The following DYNC2H1 variants were observed in gnomAD, a reference collection of about 807,000 sequenced individuals.
The protein encoded by DYNC2H1 is dynein cytoplasmic 2 heavy chain 1, also known as cytoplasmic dynein 2 heavy chain 1.
A neutral mutation model predicts 570.0 loss-of-function variants in DYNC2H1; 410 were observed. The observed-to-expected ratio is 0.72, with a 90% CI of 0.66 to 0.78. The LOEUF (loss-of-function observed/expected upper bound fraction) is 0.78, where lower values mean the gene tolerates loss of function less well. DYNC2H1 is among the 30% of genes least tolerant of loss of function. DYNC2H1 has a pLI of 0.00. For synonymous variants in DYNC2H1, 1,688 were observed against 1,677.6 expected, an observed-to-expected ratio of 1.01 and a Z score of -0.15; for missense variants, 4,865 against 5,046.4, an observed-to-expected ratio of 0.96 and a Z score of 1.09.
intron 88 of DYNC2H1, among the ~76,000 whole-genome samples, chr11:103,477,144 A>G (rs919305268): frequency 6.6e-6 from 1 of 152,230 alleles, no homozygotes; most frequent in African/African-American, 2.4e-5. Flanking sequence ...CAAGTACTCC[A>G]GAGCCTGAAA....
intron 78 of DYNC2H1, among the ~76,000 whole-genome samples, chr11:103,309,166 C>CTTTTTTTTTTTTTT (rs1274431520): frequency 1.8e-5 from 1 of 56,538 alleles, no homozygotes; most frequent in Non-Finnish European, 4.0e-5. Context: ...TAACTGCATG[C>CTTTTTTTTTTTTTT]TATTTTTTTT....
intron 82 of DYNC2H1, among the ~76,000 whole-genome samples, chr11:103,341,327 T>TC (rs1292670574): frequency 2.6e-5 from 4 of 152,114 alleles, no homozygotes; most frequent in Non-Finnish European, 4.4e-5. Context: ...TTTCTTTTCT[T>TC]CCCCCCCTTT....
intron 87 of DYNC2H1, 146 bp from the exon 88 acceptor site, chr11:103,468,443 T>C (rs944703258): frequency 2.1e-5 from 12 of 574,460 alleles, no homozygotes; most frequent in Middle Eastern, 3.3e-4. Context: ...TTACTGACTT[T>C]ATTCTCAAAG....
At chr11:103,390,446 T>C (rs551411505) in intron 83 of DYNC2H1, among the ~76,000 whole-genome samples, 27 of 152,190 alleles carry the variant, frequency 1.8e-4, no homozygotes, top group Middle Eastern at 3.4e-3. Flanking sequence ...CTTGACTCTT[T>C]ATCCAATTTA....
chr11:103,207,625 G>C (rs956446489), intron 52 of DYNC2H1, among the ~76,000 whole-genome samples: 16 of 152,130 alleles, frequency 1.1e-4, no homozygotes, highest in African/African-American at 2.9e-4. Context: ...AGAAGACATG[G>C]AAAACAGTAG....
At position 103,254,034 on chromosome 11, in the gene DYNC2H1, T is replaced by C. The variant is rs1019895888; in HGVS notation, c.10206+586T>C. ...ACTTTTGGAGTATCATCCTATTTTT[T>C]ACTCATCTAACAATAGTAGATTTTT... On this transcript the variant is annotated intron_variant, in intron 66 of 88. Coordinates refer to ENST00000375735, the MANE Select transcript of DYNC2H1 (RefSeq NM_001377.3). This position sits in a 1 kb window ranked among gnomAD's most constrained non-coding sequence, Gnocchi z 4.9. 6.6e-6 allele frequency among the ~76,000 whole-genome samples: 1 copy of C among 152,210 alleles called. No homozygotes were observed. The highest frequency in any genetic ancestry group is 1.5e-5 in the Non-Finnish European group (1 of 68,010).
rs747370976 is a variant in DYNC2H1, at chr11:103,156,420, A to G, written c.3777A>G (p.Thr1259=). 5 of 1,613,626 alleles carry G rather than the reference A, an allele frequency of 3.1e-6. No homozygotes were observed. The African/African-American group carries it at 5.3e-5, about 17-fold the overall frequency. ...ATAGTCGGGCACAAGGTGAAGTTAC[A>G]ATCAGAGAAGCTTTACGTGAACTTG... ...DLNSRAQGEV[T]IREALRELDL... The change falls in exon 26 of 89, where the codon ACA becomes ACG. Residue 1259 remains threonine (T), a synonymous_variant. Transcript: ENST00000375735.
At chr11:103,197,309 G>A (rs997419806) in intron 47 of DYNC2H1, among the ~76,000 whole-genome samples, 4 of 152,070 alleles carry the variant, frequency 2.6e-5, no homozygotes, top group Non-Finnish European at 5.9e-5. Context: ...TAGACAGTGG[G>A]GAGTAGTGGG....
intron 76 of DYNC2H1, 57 bp downstream of exon 76, chr11:103,303,310 T>A: frequency 5.8e-6 from 9 of 1,553,256 alleles, no homozygotes; most frequent in Non-Finnish European, 7.9e-6. Flanking sequence ...CCACACTTGA[T>A]GATATTGGTC....
intron 88 of DYNC2H1, among the ~76,000 whole-genome samples, chr11:103,469,297 T>C (rs1945294675): frequency 6.6e-6 from 1 of 152,228 alleles, no homozygotes; most frequent in Non-Finnish European, 1.5e-5. Flanking sequence ...GAAAAAACTT[T>C]CAACAGTAGA....
Position 103,268,173 on chromosome 11 carries a change from A to G in DYNC2H1, c.10695+8196A>G, listed in dbSNP as rs1038171146. Among the ~76,000 whole-genome samples the G allele has an allele frequency of 1.3e-5, 2 of 152,028 alleles. No homozygotes were observed. Among genetic ancestry groups the G allele is most frequent in the East Asian group, 3.8e-4 (2 of 5,196 alleles). ...TGAATATTAGCAGATTGCTTTCTGA[A>G]AAGCTTTTTACCAGTTAATATCTCT... On this transcript the variant is annotated intron_variant, in intron 70 of 88. Coordinates refer to ENST00000375735, the MANE Select transcript of DYNC2H1 (RefSeq NM_001377.3). The surrounding 1 kb of genome is among the most constrained non-coding windows in gnomAD (Gnocchi z 4.6).
intron 84 of DYNC2H1, 38 bp from the exon 85 acceptor site, chr11:103,435,903 CAT>C: frequency 6.3e-7 from 1 of 1,591,670 alleles, no homozygotes; most frequent in Non-Finnish European, 8.6e-7. Context: ...TATGTAGTAT[CAT>C]ATACACAAAC....
At chr11:103,137,553 T>A in intron 17 of DYNC2H1, among the ~76,000 whole-genome samples, 1 of 152,230 alleles carries the variant, frequency 6.6e-6, no homozygotes, top group Admixed American at 6.5e-5. Context: ...GTGGCCTTAT[T>A]TCTGAGGGCT....
At chr11:103,417,994 A>G (rs925150074) in intron 84 of DYNC2H1, among the ~76,000 whole-genome samples, 3 of 151,942 alleles carry the variant, frequency 2.0e-5, no homozygotes, top group Admixed American at 2.0e-4. Context: ...CGTGATTAAA[A>G]AAAAAAAAAA....
intron 83 of DYNC2H1, among the ~76,000 whole-genome samples, chr11:103,397,535 C>T (rs1942448232): frequency 6.6e-6 from 1 of 152,150 alleles, no homozygotes; most frequent in African/African-American, 2.4e-5. Flanking sequence ...TTTAAAGCAG[C>T]TGTATTTATT....
At chr11:103,271,505 A>G (rs975478860) in intron 70 of DYNC2H1, among the ~76,000 whole-genome samples, 15 of 152,216 alleles carry the variant, frequency 9.9e-5, no homozygotes, top group African/African-American at 2.2e-4. Context: ...AAAGCAATAA[A>G]TATAGTAGAG....
At chr11:103,242,869 C>T (rs986218125) in intron 63 of DYNC2H1, among the ~76,000 whole-genome samples, 6 of 151,874 alleles carry the variant, frequency 4.0e-5, no homozygotes, top group South Asian at 2.1e-4. Context: ...TACAAGCGCC[C>T]GCCACCACGC....
rs188752328 is a variant in DYNC2H1, at chr11:103,307,114, T to G, written c.11383-607T>G. On this transcript the variant is annotated intron_variant, in intron 77 of 88. Coordinates refer to ENST00000375735, the MANE Select transcript of DYNC2H1 (RefSeq NM_001377.3). ...AAGAGAATAATAGGCAGAGGAAATA[T>G]GATGAGTAAAGATAGTCATAAGAGT... is the stretch of plus-strand genomic sequence containing the variant. Among the ~76,000 whole-genome samples, 32 of 152,238 alleles carry G rather than the reference T, an allele frequency of 2.1e-4. No individual in the cohort carries two copies. The East Asian group carries it at 6.2e-3, about 29-fold the overall frequency.
At chr11:103,397,305 A>T (rs2135635774) in intron 83 of DYNC2H1, among the ~76,000 whole-genome samples, 1 of 151,434 alleles carries the variant, frequency 6.6e-6, no homozygotes, top group African/African-American at 2.5e-5. Flanking sequence ...AATTGTATTT[A>T]CTCAATAAAA....
Sources: allele counts gnomAD v4.1 joint callset (sites outside exome capture counted in the v4.1 genomes callset), GRCh38; gene constraint gnomAD v4.1.1; non-coding constraint Gnocchi (gnomAD v3.1); transcripts MANE v1.5; gene names NCBI Gene and HGNC (gene_info 2026-07-23, HGNC 2026-07-21).